The following HSPA12A variants were observed in gnomAD, a reference collection of about 807,000 sequenced individuals.
HSPA12A encodes the protein heat shock 70 kDa protein 12A.
HSPA12A carries 28 observed loss-of-function variants against 69.2 expected under a neutral mutation model. The ratio of observed to expected loss-of-function variants is 0.40; its 90% CI spans 0.30 to 0.55. The LOEUF is 0.55. HSPA12A is among the 20% of genes least tolerant of loss of function. HSPA12A has a pLI of 0.38. For synonymous variants in HSPA12A, 345 were observed against 370.5 expected, an observed-to-expected ratio of 0.93 and a Z score of 0.79; for missense variants, 686 against 900.7, an observed-to-expected ratio of 0.76 and a Z score of 3.05.
chr10:116,833,182 C>A (rs1845650807), intron 2 of HSPA12A: 1 of 152,226 alleles, frequency 6.6e-6, no homozygotes, highest in Non-Finnish European at 1.5e-5. Flanking sequence ...CTAACAGGCC[C>A]ATAACATGTT....
At chr10:116,786,983 GACAC>G (rs111355992) in intron 2 of HSPA12A, among the ~76,000 whole-genome samples, 842 of 66,806 alleles carry the variant, frequency 0.013, no homozygotes, top group Non-Finnish European at 0.025. Flanking sequence ...TCACCTCCCG[GACAC>G]ACACACACAC....
In HSPA12A at chr10:116,698,755, G is replaced by C; in HGVS notation, c.442-16C>G. The C allele has an allele frequency of 6.3e-7, 1 of 1,587,294 alleles. No homozygotes were observed. The highest frequency in any genetic ancestry group is 8.7e-7 in the Non-Finnish European group (1 of 1,155,968). ...TGGTGAGGTCCTGGTAGGAGGAAGA[G>C]GAACAATAGTAAGAAGATGACACAG... On this transcript the variant is annotated splice_polypyrimidine_tract_variant and intron_variant, in intron 4 of 11. Coordinates refer to ENST00000369209, the MANE Select transcript of HSPA12A (RefSeq NM_025015.3).
chr10:116,751,152 T>C, intron 2 of HSPA12A: 1 of 209,930 alleles, frequency 4.8e-6, no homozygotes, highest in Non-Finnish European at 1.0e-5. Context: ...GAAGAACTAG[T>C]AGTGGGTGAC....
chr10:116,706,932 C>T (rs1484499261), intron 2 of HSPA12A, among the ~76,000 whole-genome samples: 1 of 152,168 alleles, frequency 6.6e-6, no homozygotes, highest in Non-Finnish European at 1.5e-5. Flanking sequence ...TCTTCTGTGA[C>T]CCACCCAGGC....
At chr10:116,783,951 A>C (rs1167975401) in intron 2 of HSPA12A, among the ~76,000 whole-genome samples, 6 of 152,094 alleles carry the variant, frequency 3.9e-5, no homozygotes, top group African/African-American at 1.4e-4. Flanking sequence ...TGATCCACCC[A>C]CCTCAGCTTC....
chr10:116,783,724 T>C (rs1844515041), intron 2 of HSPA12A, among the ~76,000 whole-genome samples: 2 of 152,148 alleles, frequency 1.3e-5, no homozygotes, highest in Non-Finnish European at 2.9e-5. Flanking sequence ...CATTTATGGG[T>C]ATTTTTTGAG....
In HSPA12A at chr10:116,674,525, G is replaced by T. The variant is rs1045330416; in HGVS notation, c.*256C>A. ...TCTCCGTGGCCATTTCACCACTTTT[G>T]TACCTATGAAAACTAGCTGCTCCTC... is the stretch of plus-strand genomic sequence containing the variant. On this transcript the variant is annotated 3_prime_UTR_variant, in exon 12 of 12. Transcript: ENST00000369209. The T allele has an allele frequency of 3.1e-5, 16 of 523,996 alleles. No homozygotes were observed. Among genetic ancestry groups the T allele is most frequent in the Non-Finnish European group, 4.8e-5 (14 of 292,088 alleles). 32.5% of individuals were successfully genotyped at this position (523,996 alleles called of 1,614,324 possible). A position where few individuals can be genotyped will look rare whatever the true frequency, so the allele number is the denominator to read the frequency against.
intron 1 of HSPA12A, among the ~76,000 whole-genome samples, chr10:116,719,432 G>C (rs76718389): frequency 6.6e-6 from 1 of 152,194 alleles, no homozygotes; most frequent in African/African-American, 2.4e-5. Context: ...ACCTCCCTCC[G>C]TCCTTGAGGG....
chr10:116,816,793 G>C (rs781123449), intron 2 of HSPA12A, among the ~76,000 whole-genome samples: 2 of 152,094 alleles, frequency 1.3e-5, no homozygotes, highest in African/African-American at 2.4e-5. Flanking sequence ...GCCAGTTTCT[G>C]GTACTATGGT....
chr10:116,699,267 C>T (rs1035053174), intron 4 of HSPA12A, among the ~76,000 whole-genome samples: 6 of 152,266 alleles, frequency 3.9e-5, no homozygotes, highest in South Asian at 4.1e-4. Context: ...CTATCTAATC[C>T]GCCAGGAGCC....
At chr10:116,717,927 C>T (rs991286396) in intron 1 of HSPA12A, among the ~76,000 whole-genome samples, 3 of 152,038 alleles carry the variant, frequency 2.0e-5, no homozygotes, top group African/African-American at 7.2e-5. Context: ...ACCCTCTGGC[C>T]CCAGTTTGCC....
At chr10:116,765,210 C>A (rs1344789691) in intron 2 of HSPA12A, among the ~76,000 whole-genome samples, 1 of 152,036 alleles carries the variant, frequency 6.6e-6, no homozygotes, top group Admixed American at 6.6e-5. Context: ...CACCTAGTGC[C>A]CAGGTTTTGG....
At chr10:116,700,732 C>T (rs939236034) in intron 4 of HSPA12A, among the ~76,000 whole-genome samples, 1 of 152,154 alleles carries the variant, frequency 6.6e-6, no homozygotes, top group Non-Finnish European at 1.5e-5. Context: ...ATCTCCCTGC[C>T]CACATGCACA....
intron 1 of HSPA12A, among the ~76,000 whole-genome samples, chr10:116,846,629 T>A (rs1255681766): frequency 6.6e-6 from 1 of 152,196 alleles, no homozygotes; most frequent in Non-Finnish European, 1.5e-5. Context: ...ATTACAGGCG[T>A]GAGCCACCGT....
intron 2 of HSPA12A, among the ~76,000 whole-genome samples, chr10:116,773,240 G>A (rs1844253428): frequency 6.6e-6 from 1 of 152,252 alleles, no homozygotes; most frequent in African/African-American, 2.4e-5. Flanking sequence ...AGAGGCCCAG[G>A]ATGAACTGGC....
intron 2 of HSPA12A, among the ~76,000 whole-genome samples, chr10:116,788,188 A>AC (rs991928964): frequency 2.9e-4 from 44 of 152,056 alleles, no homozygotes; most frequent in Non-Finnish European, 5.9e-4. Flanking sequence ...AAAATTCTAG[A>AC]CCCCCGCAAA....
chr10:116,691,354 T>G (rs1465524939), intron 6 of HSPA12A, among the ~76,000 whole-genome samples: 1 of 152,176 alleles, frequency 6.6e-6, no homozygotes, highest in Non-Finnish European at 1.5e-5. Flanking sequence ...CATTCAACTA[T>G]GCTGGGGCTC....
chr10:116,695,361 G>A lies in HSPA12A; in HGVS notation c.547-2894C>T, dbSNP rs985578654. Among the ~76,000 whole-genome samples the A allele has an allele frequency of 1.1e-4, 17 of 152,242 alleles. No individual in the cohort carries two copies. In the East Asian group the frequency reaches 1.6e-3, roughly 14 times the overall value. On this transcript the variant is annotated intron_variant, in intron 5 of 11. Coordinates refer to ENST00000369209, the MANE Select transcript of HSPA12A (RefSeq NM_025015.3). ...GAGATGTTTATGTCATGAGAGCTCC[G>A]GTCTCAGGAACGGATTTTTGCTGCC...
At chr10:116,759,643 C>T (rs1554889117) in intron 2 of HSPA12A, among the ~76,000 whole-genome samples, 1 of 152,178 alleles carries the variant, frequency 6.6e-6, no homozygotes, top group African/African-American at 2.4e-5. Flanking sequence ...GTGGCTTTGA[C>T]AGCATTCAGT....
Sources: gnomAD v4.1 joint callset for allele counts (sites outside exome capture counted in the v4.1 genomes callset) on GRCh38, gnomAD v4.1.1 for gene constraint, MANE v1.5 for transcripts, NCBI Gene and HGNC (gene_info 2026-07-23, HGNC 2026-07-21) for gene names.